Variants in ANKRD26 observed in about 807,000 individuals in gnomAD.
ANKRD26 encodes the protein ankyrin repeat domain-containing protein 26.
In ANKRD26, 141 loss-of-function variants were observed where a neutral mutation model predicts 208.7. That is an observed-to-expected ratio of 0.68 (90% CI 0.59 to 0.78). ANKRD26 has a LOEUF of 0.78. ANKRD26 is among the 30% of genes least tolerant of loss of function. The pLI is 0.00. For synonymous variants in ANKRD26, 636 were observed against 660.4 expected, an observed-to-expected ratio of 0.96 and a Z score of 0.57; for missense variants, 1,889 against 1,938.7, an observed-to-expected ratio of 0.97 and a Z score of 0.48.
chr10:26,955,449 A>G, the ANKRD26 span, among the ~76,000 whole-genome samples: 38 of 151,980 alleles, frequency 2.5e-4, no homozygotes, highest in East Asian at 3.5e-3. Flanking sequence ...ATATATATAT[A>G]TGTGTGTATG....
intron 1 of ANKRD26, among the ~76,000 whole-genome samples, chr10:27,095,550 C>T (rs1264867393): frequency 2.6e-5 from 4 of 152,158 alleles, no homozygotes; most frequent in African/African-American, 4.8e-5. Flanking sequence ...TGCCTGTAAT[C>T]CCAGCTACTC....
exon 6 of ANKRD26, among the ~76,000 whole-genome samples, chr10:26,975,919 C>T (rs963690963): frequency 1.3e-5 from 2 of 151,594 alleles, no homozygotes; most frequent in Non-Finnish European, 2.9e-5. Flanking sequence ...GTTTTAGTAA[C>T]GTAGGCATTA....
intron 24 of ANKRD26, among the ~76,000 whole-genome samples, chr10:27,034,267 CAAG>C (rs894575846): frequency 2.0e-5 from 3 of 151,828 alleles, no homozygotes; most frequent in Admixed American, 6.6e-5. Context: ...GTCAAATTGA[CAAG>C]AATAAAAATA....
chr10:27,074,575 G>A (rs1054600120), intron 9 of ANKRD26, among the ~76,000 whole-genome samples: 2 of 152,148 alleles, frequency 1.3e-5, no homozygotes, highest in African/African-American at 4.8e-5. Context: ...TAGCTACTAG[G>A]GGGGCTGAAG....
chr10:27,085,473 T>C (rs2056084216), intron 5 of ANKRD26, among the ~76,000 whole-genome samples: 1 of 152,200 alleles, frequency 6.6e-6, no homozygotes, highest in Admixed American at 6.5e-5. Flanking sequence ...AAGTCAGTAA[T>C]AATAAGATTT....
intron 3 of ANKRD26, among the ~76,000 whole-genome samples, chr10:26,985,500 T>C (rs1383464085): frequency 6.6e-6 from 1 of 152,198 alleles, no homozygotes; most frequent in East Asian, 1.9e-4. Context: ...CTGGGTTTTC[T>C]TCAACATGTT....
intron 13 of ANKRD26, 96 bp downstream of exon 13, chr10:27,061,048 A>T: frequency 2.1e-6 from 2 of 953,686 alleles, no homozygotes; most frequent in Non-Finnish European, 3.4e-6. Context: ...TGGATATATA[A>T]CTTATTTCTC....
chr10:27,094,086 G>T (rs1203591502), intron 1 of ANKRD26, among the ~76,000 whole-genome samples: 2 of 152,012 alleles, frequency 1.3e-5, no homozygotes, highest in African/African-American at 4.8e-5. Context: ...TTCTTAAGGG[G>T]CTTTTCCCTC....
At chr10:27,040,531 G>A (rs139645553) in intron 20 of ANKRD26, among the ~76,000 whole-genome samples, 2 of 152,324 alleles carry the variant, frequency 1.3e-5, no homozygotes, top group Non-Finnish European at 2.9e-5. Flanking sequence ...AATGAAGGAC[G>A]AGAAGGCAGC....
Position 27,005,628 on chromosome 10 carries a change from C to T in ANKRD26, c.5095G>A (p.Glu1699Lys). Residue 1699 changes from glutamate (E) to lysine (K), a missense_variant, in exon 34 of 34, where the codon GAA becomes AAA. By Grantham distance (56) the Glu-to-Lys change is moderately conservative. Coordinates refer to ENST00000376087, the MANE Select transcript of ANKRD26 (RefSeq NM_014915.3). ...TTTTTCTTTAAAACCTGTACATATT[C>T]TCTTGATGCTTTCCAAACTAGATCT... is the stretch of plus-strand genomic sequence containing the variant. ...NQDLVWKASR[E>K]YVQVLKKNYM... 6.2e-7 allele frequency: 1 copy of T among 1,613,014 alleles called. No individual in the cohort carries two copies. The highest frequency in any genetic ancestry group is 8.5e-7 in the Non-Finnish European group (1 of 1,179,442).
At chr10:27,034,648 CTTTTA>C in intron 24 of ANKRD26, 143 bp downstream of exon 24, 1 of 546,594 alleles carries the variant, frequency 1.8e-6, no homozygotes, top group Non-Finnish European at 3.1e-6. Flanking sequence ...TCTCTCAGCT[CTTTTA>C]TTTGCTGAAA....
At chr10:26,990,699 C>T (rs1182963096), downstream of ANKRD26, among the ~76,000 whole-genome samples, 1 of 152,172 alleles carries the variant, frequency 6.6e-6, no homozygotes, top group Non-Finnish European at 1.5e-5. Flanking sequence ...GCAAGATGCT[C>T]TTCTTGTCTC....
intron 3 of ANKRD26, among the ~76,000 whole-genome samples, chr10:26,985,769 T>C (rs1282997632): frequency 6.6e-6 from 1 of 152,192 alleles, no homozygotes; most frequent in Non-Finnish European, 1.5e-5. Flanking sequence ...CCCAAAGTCA[T>C]GAGCAACACC....
chr10:27,073,132 G>A (rs1477871496), intron 9 of ANKRD26, among the ~76,000 whole-genome samples: 1 of 152,214 alleles, frequency 6.6e-6, no homozygotes, highest in Non-Finnish European at 1.5e-5. Flanking sequence ...AAACCAGACT[G>A]CAGGCCTTCC....
chr10:27,100,007 G>T, intron 1 of ANKRD26, 78 bp downstream of exon 1: 2 of 1,602,758 alleles, frequency 1.2e-6, no homozygotes, highest in South Asian at 2.2e-5. Flanking sequence ...CAGGCCCTGG[G>T]TGGCTCCCAC....
chr10:26,976,077 A>C (rs75204359), intron 5 of ANKRD26, among the ~76,000 whole-genome samples: 2,805 of 152,192 alleles, frequency 0.018, 161 homozygotes, highest in East Asian at 0.17. Context: ...AAAGATCAGG[A>C]AAATAAAATC....
chr10:27,001,473 T>C (rs898645095), downstream of ANKRD26, among the ~76,000 whole-genome samples: 3 of 151,750 alleles, frequency 2.0e-5, no homozygotes, highest in Non-Finnish European at 4.4e-5. Flanking sequence ...ATGCACAGGG[T>C]TTTATAGATG....
chr10:26,961,413 G>C, the ANKRD26 span, among the ~76,000 whole-genome samples: 1 of 152,150 alleles, frequency 6.6e-6, no homozygotes, highest in Non-Finnish European at 1.5e-5. Flanking sequence ...GACTTCCATA[G>C]AGCAAAGTGA....
At position 27,035,768 on chromosome 10, in the gene ANKRD26, G is replaced by A. The variant is rs1223588740; in HGVS notation, c.2698-16C>T. On this transcript the variant is annotated splice_polypyrimidine_tract_variant and intron_variant, in intron 23 of 33. Coordinates refer to ENST00000376087, the MANE Select transcript of ANKRD26 (RefSeq NM_014915.3). ...TATGAGAATTCTAAGTAAAACAAAG[G>A]AAACTTTGAGCTAGCACCCAAGAAA... 1.9e-6 allele frequency: 3 copies of A among 1,562,572 alleles called. No individual in the cohort carries two copies. Among genetic ancestry groups the A allele is most frequent in the Non-Finnish European group, 2.6e-6 (3 of 1,137,578 alleles).
Sources: allele counts gnomAD v4.1 joint callset (sites outside exome capture counted in the v4.1 genomes callset), GRCh38; gene constraint gnomAD v4.1.1; transcripts MANE v1.5; gene names NCBI Gene and HGNC (gene_info 2026-07-23, HGNC 2026-07-21).